CADPS2: variants seen among roughly 807,000 people sequenced by gnomAD.
The protein encoded by CADPS2 is calcium-dependent secretion activator 2.
In CADPS2, 93 loss-of-function variants were observed where a neutral mutation model predicts 172.5. That is an observed-to-expected ratio of 0.54 (90% CI 0.46 to 0.64). The LOEUF is 0.64. Among genes scored for constraint, CADPS2 ranks in the 30% least tolerant of loss-of-function variants. CADPS2 has a pLI of 0.00. For missense variants in CADPS2, 1,420 were observed against 1,565.9 expected, an observed-to-expected ratio of 0.91 and a Z score of 1.57; for synonymous variants, 546 against 555.2, an observed-to-expected ratio of 0.98 and a Z score of 0.23.
At chr7:122,497,125 C>A (rs2130153612) in intron 9 of CADPS2, among the ~76,000 whole-genome samples, 1 of 152,006 alleles carries the variant, frequency 6.6e-6, no homozygotes, top group African/African-American at 2.4e-5. Context: ...TCTTCTTGTA[C>A]AGTCACAAAA....
chr7:122,373,597 T>C (rs2042016618), intron 25 of CADPS2, among the ~76,000 whole-genome samples: 1 of 151,944 alleles, frequency 6.6e-6, no homozygotes. Context: ...AGTCAATCGG[T>C]AAATAGTGGA....
At chr7:122,761,423 C>T (rs2093375170) in intron 1 of CADPS2, among the ~76,000 whole-genome samples, 1 of 152,070 alleles carries the variant, frequency 6.6e-6, no homozygotes, top group African/African-American at 2.4e-5. Flanking sequence ...AATTAATAAG[C>T]CTCACCTATA....
intron 2 of CADPS2, among the ~76,000 whole-genome samples, chr7:122,725,714 A>G (rs2091014572): frequency 6.6e-6 from 1 of 151,866 alleles, no homozygotes; most frequent in South Asian, 2.1e-4. Flanking sequence ...AGATCACTTG[A>G]GCCCAGGAGT....
intron 6 of CADPS2, among the ~76,000 whole-genome samples, chr7:122,610,494 A>G (rs1054038278): frequency 6.6e-6 from 1 of 152,160 alleles, no homozygotes; most frequent in African/African-American, 2.4e-5. Context: ...CAAACTATCC[A>G]GGAAAAGTAA....
intron 1 of CADPS2, among the ~76,000 whole-genome samples, chr7:122,752,351 T>C (rs1188377740): frequency 6.6e-6 from 1 of 152,194 alleles, no homozygotes; most frequent in Non-Finnish European, 1.5e-5. Flanking sequence ...ATTCTCATAC[T>C]TTCTGGAAGA....
intron 2 of CADPS2, among the ~76,000 whole-genome samples, chr7:122,679,449 T>C (rs1232481643): frequency 6.6e-6 from 1 of 152,158 alleles, no homozygotes; most frequent in Non-Finnish European, 1.5e-5. Flanking sequence ...TGTTTATCAA[T>C]GACAATGTGT....
chr7:122,869,127 A>T (rs531761525), intron 1 of CADPS2, among the ~76,000 whole-genome samples: 2 of 152,224 alleles, frequency 1.3e-5, no homozygotes, highest in Admixed American at 1.3e-4. Flanking sequence ...AAAGGAATAC[A>T]AACCATATTT....
At chr7:122,767,546 A>G (rs143287336) in intron 1 of CADPS2, among the ~76,000 whole-genome samples, 10 of 152,254 alleles carry the variant, frequency 6.6e-5, no homozygotes, top group East Asian at 1.9e-4. Context: ...TGAAAAGTCA[A>G]TAGTTGAGAG....
chr7:122,676,770 G>A lies in CADPS2; in HGVS notation c.454-13201C>T, dbSNP rs2082420464. 8.2e-6 allele frequency: 9 copies of A among 1,090,946 alleles called. 1 individual carries two copies. The highest frequency in any genetic ancestry group is 2.1e-4 in the Middle Eastern group (1 of 4,788). The allele number at this position is 1,090,946 out of a possible 1,614,324, so 67.6% of individuals were successfully genotyped here. A position where few individuals can be genotyped will look rare whatever the true frequency, so the allele number is the denominator to read the frequency against. The stretch of plus-strand genomic sequence containing the variant: ...AGATTATCATGGAGAAACTTCTCCA[G>A]ACTGTGAACCAAACCATCATTTCCA... On this transcript the variant is annotated intron_variant, in intron 2 of 29. Coordinates refer to ENST00000449022, the MANE Select transcript of CADPS2 (RefSeq NM_017954.11).
intron 2 of CADPS2, among the ~76,000 whole-genome samples, chr7:122,706,939 G>T (rs2087659015): frequency 6.6e-6 from 1 of 151,166 alleles, no homozygotes; most frequent in South Asian, 2.1e-4. Flanking sequence ...TTGGAAACCG[G>T]AGTGGAATCA....
At chr7:122,515,215 G>A (rs2060268060) in intron 8 of CADPS2, among the ~76,000 whole-genome samples, 1 of 152,110 alleles carries the variant, frequency 6.6e-6, no homozygotes, top group African/African-American at 2.4e-5. Flanking sequence ...CATTATCTGT[G>A]CTTGTGGATG....
intron 6 of CADPS2, among the ~76,000 whole-genome samples, chr7:122,611,737 TAAC>T (rs1433824190): frequency 6.6e-6 from 1 of 152,018 alleles, no homozygotes; most frequent in East Asian, 1.9e-4. Flanking sequence ...ATTACCCTGA[TAAC>T]AAAATCAGAG....
chr7:122,593,286 A>G (rs2071188204), intron 6 of CADPS2, among the ~76,000 whole-genome samples: 1 of 152,028 alleles, frequency 6.6e-6, no homozygotes, highest in South Asian at 2.1e-4. Context: ...TATTCTACAT[A>G]GTTTCACATA....
chr7:122,371,948 A>G (rs1386898772), intron 25 of CADPS2, among the ~76,000 whole-genome samples: 1 of 152,032 alleles, frequency 6.6e-6, no homozygotes, highest in Non-Finnish European at 1.5e-5. Context: ...TACAGAAAGC[A>G]ACTGGAAATA....
rs7799488 is a variant in CADPS2 at position 122,638,428 on chromosome 7, G to A, written c.787-9100C>T. Among the ~76,000 whole-genome samples the A allele has an allele frequency of 4.7e-3, 711 of 152,296 alleles. 6 individuals carry two copies. Among genetic ancestry groups the A allele is most frequent in the African/African-American group, 0.017 (690 of 41,576 alleles). On this transcript the variant is annotated intron_variant, in intron 3 of 29. Transcript: ENST00000449022. ...GAGTCACCCAATTCACCATCGAAGT[G>A]CTTCCTGGGGGAACACAAAGCTCTC...
chr7:122,860,641 T>C (rs1485239779), intron 1 of CADPS2, among the ~76,000 whole-genome samples: 2 of 152,188 alleles, frequency 1.3e-5, no homozygotes, highest in Admixed American at 6.5e-5. Flanking sequence ...TTAAAATGAA[T>C]GAATATAGCC....
At chr7:122,412,361 T>A (rs1585765894) in intron 19 of CADPS2, among the ~76,000 whole-genome samples, 4 of 152,164 alleles carry the variant, frequency 2.6e-5, no homozygotes, top group Admixed American at 2.6e-4. Flanking sequence ...TGCATGCCAG[T>A]TGGAGAGGAA....
At chr7:122,695,684 C>T (rs978340249) in intron 2 of CADPS2, among the ~76,000 whole-genome samples, 6 of 152,176 alleles carry the variant, frequency 3.9e-5, no homozygotes, top group African/African-American at 1.2e-4. Context: ...CTTTAAAGAA[C>T]ATCCATAGAA....
Position 122,629,240 on chromosome 7 carries a change from T to C in CADPS2, c.867+8A>G. 1 of 1,603,874 alleles carries C rather than the reference T, an allele frequency of 6.2e-7. No individual in the cohort carries two copies. Among genetic ancestry groups the C allele is most frequent in the Non-Finnish European group, 8.5e-7 (1 of 1,174,026 alleles). ...ATGTCATACAGTATGTCCAAGTTAA[T>C]AATTTACCTTTGCCATTTTATCTGC... On this transcript the variant is annotated splice_region_variant and intron_variant, in intron 4 of 29. Transcript: ENST00000449022.
Sources: gnomAD v4.1 joint callset for allele counts (sites outside exome capture counted in the v4.1 genomes callset) on GRCh38, gnomAD v4.1.1 for gene constraint, MANE v1.5 for transcripts, NCBI Gene and HGNC (gene_info 2026-07-23, HGNC 2026-07-21) for gene names.